NUP93: variants seen among roughly 807,000 people sequenced by gnomAD.
NUP93 encodes the protein nuclear pore complex protein Nup93.
In NUP93, 55 loss-of-function variants were observed where a neutral mutation model predicts 107.8. The ratio of observed to expected loss-of-function variants is 0.51; its 90% CI spans 0.41 to 0.64. The LOEUF (loss-of-function observed/expected upper bound fraction) is 0.64, where lower values mean the gene tolerates loss of function less well. NUP93 is among the 30% of genes least tolerant of loss of function. The pLI, the probability that NUP93 is intolerant of heterozygous loss-of-function variation, is 0.00. For missense variants in NUP93, 937 were observed against 1,044.7 expected (o/e 0.90, Z 1.42); for synonymous variants, 390 against 397.5 (o/e 0.98, Z 0.22).
intron 2 of NUP93, among the ~76,000 whole-genome samples, chr16:56,755,911 T>C (rs1184272740): frequency 6.6e-6 from 1 of 152,130 alleles, no homozygotes; most frequent in Admixed American, 6.5e-5. Context: ...TTGTATACTT[T>C]AAATGATAAA....
chr16:56,778,887 AAATG>A (rs1185892438), intron 3 of NUP93, among the ~76,000 whole-genome samples: 2 of 152,208 alleles, frequency 1.3e-5, no homozygotes, highest in Non-Finnish European at 2.9e-5. Context: ...GTGGCAGTAG[AAATG>A]AATGTGTAAT....
chr16:56,819,437 AG>A (rs1160419602), intron 6 of NUP93, among the ~76,000 whole-genome samples: 1 of 152,202 alleles, frequency 6.6e-6, no homozygotes, highest in African/African-American at 2.4e-5. Context: ...TCTTGAATTG[AG>A]GGCAGTGGGC....
At chr16:56,844,059 G>C (rs915904657) in intron 21 of NUP93, among the ~76,000 whole-genome samples, 7 of 152,228 alleles carry the variant, frequency 4.6e-5, no homozygotes, top group Non-Finnish European at 8.8e-5. Flanking sequence ...CACAGTCACA[G>C]CCCTTGCCTC....
At chr16:56,761,010 TC>T (rs1962117213) in intron 3 of NUP93, among the ~76,000 whole-genome samples, 1 of 152,136 alleles carries the variant, frequency 6.6e-6, no homozygotes, top group South Asian at 2.1e-4. Flanking sequence ...GTTGTGCTGT[TC>T]CAGAATAGCT....
intron 1 of NUP93, among the ~76,000 whole-genome samples, chr16:56,742,883 G>C (rs541090093): frequency 2.6e-5 from 4 of 152,244 alleles, no homozygotes; most frequent in Non-Finnish European, 1.5e-5. Context: ...TAAAGGAAGA[G>C]AGGTATTCTA....
In NUP93 at chr16:56,836,622, A is replaced by G; in HGVS notation, c.1804A>G (p.Thr602Ala). ...SRKPGVIDKF[T>A]SDTKPIINKV... The stretch of plus-strand genomic sequence containing the variant: ...TCAGCCTGGAGTCATAGATAAGTTT[A>G]CTAGTGACACAAAGCCTATTATCAA... The change falls in exon 17 of 22, where the codon ACT becomes GCT. Residue 602 changes from threonine (T) to alanine (A), a missense_variant. By Grantham distance (58) the Thr-to-Ala change is moderately conservative. Transcript: ENST00000308159. 1 of 1,612,986 alleles carries G rather than the reference A, an allele frequency of 6.2e-7. No individual in the cohort carries two copies. The highest frequency in any genetic ancestry group is 2.2e-5 in the East Asian group (1 of 44,880).
chr16:56,736,193 G>C (rs2144430850), intron 1 of NUP93, among the ~76,000 whole-genome samples: 1 of 152,216 alleles, frequency 6.6e-6, no homozygotes, highest in Middle Eastern at 3.4e-3. Flanking sequence ...ACCCTGGCGT[G>C]ATGGCACGTG....
chr16:56,756,679 A>G (rs1962030043), intron 2 of NUP93, among the ~76,000 whole-genome samples: 2 of 152,268 alleles, frequency 1.3e-5, no homozygotes, highest in South Asian at 4.1e-4. Flanking sequence ...TTGCTGGGTC[A>G]ATGGTATTTC....
At chr16:56,829,148 A>G (rs778972393) in intron 9 of NUP93, 39 bp downstream of exon 9, 2 of 1,588,146 alleles carry the variant, frequency 1.3e-6, no homozygotes, top group East Asian at 2.2e-5. Context: ...TTACACCCCC[A>G]GAGCAGTTGC....
chr16:56,792,155 G>A (rs1409554715), intron 3 of NUP93, among the ~76,000 whole-genome samples: 4 of 152,004 alleles, frequency 2.6e-5, no homozygotes, highest in East Asian at 1.9e-4. Flanking sequence ...TCTCCAGCCT[G>A]GGCAACAGGG....
At chr16:56,758,489 T>C (rs759019728) in intron 2 of NUP93, 49 bp from the exon 3 acceptor site, 6 of 1,373,956 alleles carry the variant, frequency 4.4e-6, no homozygotes, top group Non-Finnish European at 6.2e-6. Context: ...CTAATCCTAA[T>C]CCTAATTTTC....
chr16:56,779,634 C>T (rs1414015117), intron 3 of NUP93, among the ~76,000 whole-genome samples: 1 of 152,176 alleles, frequency 6.6e-6, no homozygotes, highest in African/African-American at 2.4e-5. Context: ...GAGGTCCTTT[C>T]CAGCCAGCAT....
At chr16:56,843,199 A>G (rs1394889918) in intron 21 of NUP93, among the ~76,000 whole-genome samples, 1 of 152,226 alleles carries the variant, frequency 6.6e-6, no homozygotes, top group Non-Finnish European at 1.5e-5. Flanking sequence ...TAAATGTCAG[A>G]TGTGCCAGCG....
At chr16:56,784,979 A>T (rs1019529882) in intron 3 of NUP93, among the ~76,000 whole-genome samples, 2 of 152,232 alleles carry the variant, frequency 1.3e-5, no homozygotes, top group Non-Finnish European at 2.9e-5. Context: ...TACAAGATCC[A>T]TAAATCTGTG....
chr16:56,733,459 T>G (rs1961565080), intron 1 of NUP93, among the ~76,000 whole-genome samples: 1 of 151,612 alleles, frequency 6.6e-6, no homozygotes, highest in South Asian at 2.1e-4. Flanking sequence ...GTTGAGGAGG[T>G]GAAAGGGGCG....
intron 10 of NUP93, chr16:56,831,558 G>A (rs140160166): frequency 5.9e-6 from 2 of 336,524 alleles, no homozygotes; most frequent in East Asian, 6.5e-5. Context: ...CTTGAGTGCT[G>A]CTGGGTTGTG....
rs58150388 is a variant in NUP93, at chr16:56,815,902, C to CTGCTGCTGCTGGTGCTGCTGCTGG, written c.490-2751_490-2750insGTGCTGCTGCTGGTGCTGCTGCTG. ...GCTGCTGCTGCTGCTGCTGCTGGTGCTGCTGCTGCTGCTGGTGCTGCTGCT... is the reference window on the plus strand; with the variant it reads ...GCTGCTGCTGCTGCTGCTGCTGGTGCTGCTGCTGCTGGTGCTGCTGCTGGTGCTGCTGCTGCTGGTGCTGCTGCT... On this transcript the variant is annotated intron_variant, in intron 5 of 21. Coordinates refer to ENST00000308159, the MANE Select transcript of NUP93 (RefSeq NM_014669.5). Among the ~76,000 whole-genome samples, 6 of 133,086 alleles carry CTGCTGCTGCTGGTGCTGCTGCTGG rather than the reference C, an allele frequency of 4.5e-5. No individual in the cohort carries two copies. The Admixed American group carries it at 4.6e-4, about 10-fold the overall frequency. The allele number at this position is 133,086 out of a possible 152,430, so 87.3% of individuals were successfully genotyped here.
chr16:56,760,557 G>A (rs1962105514), intron 3 of NUP93, among the ~76,000 whole-genome samples: 1 of 152,074 alleles, frequency 6.6e-6, no homozygotes, highest in African/African-American at 2.4e-5. Context: ...GTGAAAGCAG[G>A]AGCTAGAAAG....
intron 2 of NUP93, among the ~76,000 whole-genome samples, chr16:56,757,338 G>A (rs1475997926): frequency 6.6e-6 from 1 of 152,218 alleles, no homozygotes; most frequent in Non-Finnish European, 1.5e-5. Context: ...TAATGGGCTG[G>A]ATGTGGTGGT....
Sources: allele counts gnomAD v4.1 joint callset (sites outside exome capture counted in the v4.1 genomes callset), GRCh38; gene constraint gnomAD v4.1.1; transcripts MANE v1.5; gene names NCBI Gene and HGNC (gene_info 2026-07-23, HGNC 2026-07-21).